Variants in KCNH5 observed in about 807,000 individuals in gnomAD.
KCNH5 encodes the protein voltage-gated delayed rectifier potassium channel KCNH5.
Under a neutral mutation model 96.1 loss-of-function variants are expected in KCNH5, and 46 were observed. The ratio of observed to expected loss-of-function variants is 0.48; its 90% CI spans 0.38 to 0.61. The LOEUF (loss-of-function observed/expected upper bound fraction) is 0.61. Ranked by LOEUF, KCNH5 falls within the 20% of genes least tolerant of loss-of-function variation. KCNH5 has a pLI of 0.00. For synonymous variants in KCNH5, 439 were observed against 449.8 expected (o/e 0.98, Z 0.30); for missense variants, 907 against 1,225.8 (o/e 0.74, Z 3.88).
chr14:62,740,156 A>T (rs866632457), intron 10 of KCNH5, among the ~76,000 whole-genome samples: 20 of 152,296 alleles, frequency 1.3e-4, no homozygotes, highest in South Asian at 1.2e-3. Context: ...TAGACTCATT[A>T]TAGGAAGGAA....
At chr14:63,027,312 T>C (rs536844447) in intron 1 of KCNH5, among the ~76,000 whole-genome samples, 1 of 152,100 alleles carries the variant, frequency 6.6e-6, no homozygotes, top group African/African-American at 2.4e-5. Context: ...ATATTGTATA[T>C]TTGAAAATCT....
intron 7 of KCNH5, among the ~76,000 whole-genome samples, chr14:62,865,989 G>A (rs996503300): frequency 2.0e-5 from 3 of 151,988 alleles, no homozygotes; most frequent in South Asian, 4.1e-4. Flanking sequence ...AATCATCATC[G>A]TCATCTAACT....
intron 7 of KCNH5, among the ~76,000 whole-genome samples, chr14:62,895,977 G>A (rs1888804649): frequency 6.6e-6 from 1 of 152,072 alleles, no homozygotes; most frequent in African/African-American, 2.4e-5. Context: ...AATAATTAAG[G>A]GTGGGGGACT....
chr14:63,015,508 T>C (rs1397935141), intron 2 of KCNH5, among the ~76,000 whole-genome samples: 1 of 152,084 alleles, frequency 6.6e-6, no homozygotes, highest in Non-Finnish European at 1.5e-5. Flanking sequence ...TATACAGATA[T>C]ACATGTTCCT....
intron 1 of KCNH5, among the ~76,000 whole-genome samples, chr14:63,031,002 A>G (rs1405267776): frequency 6.6e-6 from 1 of 152,126 alleles, no homozygotes; most frequent in Non-Finnish European, 1.5e-5. Context: ...TAGAACCTGC[A>G]TTTTAACAAG....
intron 1 of KCNH5, among the ~76,000 whole-genome samples, chr14:63,031,372 T>C (rs139366949): frequency 1.5e-4 from 23 of 152,274 alleles, no homozygotes; most frequent in Non-Finnish European, 3.2e-4. Context: ...TCAATAATCC[T>C]GGCTGATAAA....
In KCNH5 at chr14:62,699,810, T is replaced by C. The variant is rs983153357; in HGVS notation, c.*7698A>G. Reference sequence around the variant, plus strand: ...AACAGTACATACAAAATTTCTATATTATACATTGCAGTATCTTTGTTTAAG... The same window carrying C: ...AACAGTACATACAAAATTTCTATATCATACATTGCAGTATCTTTGTTTAAG... On this transcript the variant is annotated 3_prime_UTR_variant, in exon 11 of 11. Coordinates refer to ENST00000322893, the MANE Select transcript of KCNH5 (RefSeq NM_139318.5). The C allele has an allele frequency of 1.3e-5, 2 of 152,178 alleles. No individual in the cohort carries two copies. Among genetic ancestry groups the C allele is most frequent in the Non-Finnish European group, 2.9e-5 (2 of 68,012 alleles). The allele number at this position is 152,178 out of a possible 1,614,324, so 9.4% of individuals were successfully genotyped here. A position where few individuals can be genotyped will look rare whatever the true frequency, so the allele number is the denominator to read the frequency against.
chr14:62,988,084 G>A (rs972588226), intron 4 of KCNH5, among the ~76,000 whole-genome samples: 1 of 151,920 alleles, frequency 6.6e-6, no homozygotes, highest in Admixed American at 6.6e-5. Context: ...AATTTAATGG[G>A]AAAGAATTTT....
intron 6 of KCNH5, among the ~76,000 whole-genome samples, chr14:62,956,756 A>C (rs1484779016): frequency 6.6e-6 from 1 of 152,084 alleles, no homozygotes; most frequent in East Asian, 1.9e-4. Context: ...TGGCAAGTTT[A>C]ATTTCACTTA....
intron 6 of KCNH5, among the ~76,000 whole-genome samples, chr14:62,974,891 T>C (rs1453973456): frequency 1.3e-5 from 2 of 152,208 alleles, no homozygotes; most frequent in South Asian, 2.1e-4. Flanking sequence ...GAAGACACAT[T>C]CTTCACCATC....
At chr14:63,024,760 A>C (rs1891494761) in intron 1 of KCNH5, among the ~76,000 whole-genome samples, 1 of 152,294 alleles carries the variant, frequency 6.6e-6, no homozygotes, top group Non-Finnish European at 1.5e-5. Context: ...AAATAAGGAG[A>C]TTAATCACTA....
chr14:62,732,869 T>C (rs894514980), intron 10 of KCNH5, among the ~76,000 whole-genome samples: 4 of 152,112 alleles, frequency 2.6e-5, no homozygotes, highest in African/African-American at 9.7e-5. Flanking sequence ...ACGGTCTTGA[T>C]ACAGTTTCTC....
At chr14:62,742,904 G>A (rs1391563108) in intron 10 of KCNH5, among the ~76,000 whole-genome samples, 3 of 152,118 alleles carry the variant, frequency 2.0e-5, no homozygotes, top group East Asian at 1.9e-4. Context: ...ACCTGGTACC[G>A]GGGCTTAGGA....
In KCNH5 at chr14:62,950,180, G is replaced by T. The variant is rs189501067; in HGVS notation, c.1322C>A (p.Thr441Asn). ...CGAAAACATCTTCTCCACATCTGTG[G>T]TAGGAGCTATGTTTCCAAATCCTAT... ...TTIGFGNIAP[T>N]TDVEKMFSVA... Residue 441 changes from threonine (T) to asparagine (N), a missense_variant, in exon 7 of 11, where the codon ACC (threonine) becomes AAC (asparagine). Physicochemically the swap from Thr to Asn is moderately conservative, Grantham distance 65 (BLOSUM62 0). Around this residue, in one of 6 missense-constraint regions of KCNH5, gnomAD observed 370 missense variants for 561.3 expected, o/e 0.66. Coordinates refer to ENST00000322893, the MANE Select transcript of KCNH5 (RefSeq NM_139318.5). 1.2e-6 allele frequency: 2 copies of T among 1,613,894 alleles called. No homozygotes were observed. The highest frequency in any genetic ancestry group is 8.5e-7 in the Non-Finnish European group (1 of 1,179,898).
At chr14:62,882,726 G>C (rs1173282913) in intron 7 of KCNH5, among the ~76,000 whole-genome samples, 1 of 152,110 alleles carries the variant, frequency 6.6e-6, no homozygotes, top group Non-Finnish European at 1.5e-5. Context: ...ATTACATGCT[G>C]AACATGCTTC....
At chr14:63,026,843 C>T (rs1195422207) in intron 1 of KCNH5, among the ~76,000 whole-genome samples, 6 of 151,982 alleles carry the variant, frequency 3.9e-5, no homozygotes, top group African/African-American at 1.4e-4. Context: ...TCAGCGATTC[C>T]ACGACTCAGT....
chr14:62,761,919 TG>T (rs1361822139), intron 10 of KCNH5, among the ~76,000 whole-genome samples: 4 of 152,086 alleles, frequency 2.6e-5, no homozygotes, highest in African/African-American at 9.7e-5. Flanking sequence ...GAGAGCAAGC[TG>T]GAAATCTTGC....
chr14:62,783,543 G>A (rs1473229481), intron 9 of KCNH5, among the ~76,000 whole-genome samples: 4 of 151,988 alleles, frequency 2.6e-5, no homozygotes, highest in Non-Finnish European at 5.9e-5. Flanking sequence ...ACCCATTTAT[G>A]AGTGCTCATT....
chr14:62,980,552 C>T (rs1051758557), intron 6 of KCNH5, among the ~76,000 whole-genome samples: 20 of 152,056 alleles, frequency 1.3e-4, no homozygotes, highest in African/African-American at 4.3e-4. Flanking sequence ...ACTTTTGCAC[C>T]AATCTAATAT....
Sources: gnomAD v4.1 joint callset for allele counts (sites outside exome capture counted in the v4.1 genomes callset) on GRCh38, gnomAD v4.1.1 for gene constraint, gnomAD v4.1.1 regional missense constraint, MANE v1.5 for transcripts, NCBI Gene and HGNC (gene_info 2026-07-23, HGNC 2026-07-21) for gene names.